ACYP2: variants seen among roughly 807,000 people sequenced by gnomAD.
The protein encoded by ACYP2 is acylphosphatase-2.
Under a neutral mutation model 11.2 loss-of-function variants are expected in ACYP2, and 12 were observed. The ratio of observed to expected loss-of-function variants is 1.08; its 90% CI spans 0.69 to 1.74. The LOEUF is 1.74. ACYP2 is among the 40% of genes most tolerant of loss of function. ACYP2 has a pLI of 0.00. For synonymous variants in ACYP2, 43 were observed against 32.2 expected, an observed-to-expected ratio of 1.33 and a Z score of -1.13; for missense variants, 134 against 101.9, an observed-to-expected ratio of 1.31 and a Z score of -1.35.
At chr2:54,273,350 CA>C (rs1359791381) in intron 6 of ACYP2, among the ~76,000 whole-genome samples, 1 of 152,104 alleles carries the variant, frequency 6.6e-6, no homozygotes, top group Admixed American at 6.6e-5. Context: ...TTTGTTATGC[CA>C]AAAAATTCCA....
chr2:54,067,178 TTCTGAAAGTTAAG>T (rs1676792938), intron 4 of ACYP2, among the ~76,000 whole-genome samples: 1 of 152,254 alleles, frequency 6.6e-6, no homozygotes, highest in African/African-American at 2.4e-5. Flanking sequence ...AAGGTTGAAT[TTCTGAAAGTTAAG>T]TCTAAGTAAA....
In ACYP2 at chr2:54,203,336, C is replaced by T. The variant is rs1684934502; in HGVS notation, c.404+64588C>T. On this transcript the variant is annotated intron_variant, in intron 6 of 6. Coordinates refer to ENST00000607452, the MANE Select transcript of ACYP2 (RefSeq NM_001320586.2). ...TCCTGCACCCTGCATACTTGTTGAA[C>T]CTGTTTACTACTTCTAACAGGTTTT... is the stretch of plus-strand genomic sequence containing the variant. Among the ~76,000 whole-genome samples, 3 of 152,094 alleles carry T rather than the reference C, an allele frequency of 2.0e-5. No homozygotes were observed. In the East Asian group the frequency reaches 5.8e-4, roughly 29 times the overall value.
In ACYP2 at chr2:54,255,435, C is replaced by T. The variant is rs749249129; in HGVS notation, c.405-49253C>T. On this transcript the variant is annotated intron_variant, in intron 6 of 6. Coordinates refer to ENST00000607452, the MANE Select transcript of ACYP2 (RefSeq NM_001320586.2). Reference sequence around the variant, plus strand: ...TATTGCGAATGATGTCATTCCTCTGCTCCAGGTAGTATTCATGAATCTGCC... The same window carrying T: ...TATTGCGAATGATGTCATTCCTCTGTTCCAGGTAGTATTCATGAATCTGCC... 6.2e-6 allele frequency: 10 copies of T among 1,614,016 alleles called. No individual in the cohort carries two copies. The East Asian group carries it at 1.3e-4, about 22-fold the overall frequency.
Position 54,179,198 on chromosome 2 carries a change from A to C in ACYP2, c.404+40450A>C, listed in dbSNP as rs901435965. 7.4e-4 allele frequency among the ~76,000 whole-genome samples: 101 copies of C among 136,816 alleles called. 1 individual carries two copies. Among genetic ancestry groups the C allele is most frequent in the South Asian group, 1.8e-3 (7 of 3,922 alleles). 89.8% of individuals were successfully genotyped at this position (136,816 alleles called of 152,430 possible). ...GTGCTTTCTAAATTTATCTCACTCA[A>C]CCACAATCAGTGCAGACCTGTGACC... is the stretch of plus-strand genomic sequence containing the variant. On this transcript the variant is annotated intron_variant, in intron 6 of 6. Coordinates refer to ENST00000607452, the MANE Select transcript of ACYP2 (RefSeq NM_001320586.2).
At chr2:54,115,562 G>C (rs1679702191) in intron 4 of ACYP2, 53 bp from the exon 1 acceptor site, 1 of 1,525,864 alleles carries the variant, frequency 6.6e-7, no homozygotes, top group Non-Finnish European at 8.8e-7. Context: ...GCGTGACCCC[G>C]GCGCGCTAGC....
chr2:54,070,031 G>A (rs918728570), intron 4 of ACYP2, among the ~76,000 whole-genome samples: 1 of 152,290 alleles, frequency 6.6e-6, no homozygotes, highest in East Asian at 1.9e-4. Flanking sequence ...AGCGCTTTGG[G>A]AGGCCAAGGT....
At chr2:54,125,221 A>T (rs11125521) in intron 4 of ACYP2, among the ~76,000 whole-genome samples, 26,796 of 152,052 alleles carry the variant, frequency 0.18, 2,446 homozygotes, top group Non-Finnish European at 0.19. Flanking sequence ...CTATAAAACA[A>T]CCAATTTGAC....
intron 2 of ACYP2, among the ~76,000 whole-genome samples, chr2:54,024,971 A>G (rs1674202355): frequency 6.6e-6 from 1 of 152,208 alleles, no homozygotes. Context: ...CAAATCAATA[A>G]TTCAACCCAT....
At chr2:54,189,396 A>G (rs1383340182) in intron 6 of ACYP2, among the ~76,000 whole-genome samples, 3 of 152,138 alleles carry the variant, frequency 2.0e-5, no homozygotes, top group African/African-American at 7.2e-5. Context: ...AAGATTTCAC[A>G]TAGTAAGTGA....
chr2:54,266,489 G>C (rs1267904666), intron 6 of ACYP2, among the ~76,000 whole-genome samples: 1 of 149,560 alleles, frequency 6.7e-6, no homozygotes, highest in Non-Finnish European at 1.5e-5. Flanking sequence ...TACTATCATT[G>C]GCCCTGTTCA....
At chr2:54,204,065 G>A (rs1684967553) in intron 6 of ACYP2, among the ~76,000 whole-genome samples, 1 of 152,118 alleles carries the variant, frequency 6.6e-6, no homozygotes, top group Non-Finnish European at 1.5e-5. Context: ...CACGATCTCG[G>A]CTCACTGCGA....
chr2:54,279,877 C>A (rs1156324059), intron 6 of ACYP2, among the ~76,000 whole-genome samples: 3 of 152,066 alleles, frequency 2.0e-5, no homozygotes, highest in African/African-American at 7.2e-5. Flanking sequence ...TCTTTGTATC[C>A]CAGATGCTTA....
intron 6 of ACYP2, chr2:54,267,233 A>C (rs865816): frequency 6.6e-7 from 1 of 1,520,988 alleles, no homozygotes; most frequent in Admixed American, 2.2e-5. Flanking sequence ...GGCACAAAGA[A>C]GCTCCCAATA....
intron 6 of ACYP2, among the ~76,000 whole-genome samples, chr2:54,276,351 C>G (rs1688569351): frequency 6.6e-6 from 1 of 152,046 alleles, no homozygotes; most frequent in Non-Finnish European, 1.5e-5. Flanking sequence ...GTTAAACATC[C>G]TACATACATT....
chr2:54,201,577 CTTCTTTTTCT>C (rs1558608246), intron 6 of ACYP2, among the ~76,000 whole-genome samples: 1 of 130,130 alleles, frequency 7.7e-6, no homozygotes, highest in Non-Finnish European at 1.7e-5. Flanking sequence ...TGATAGCCAG[CTTCTTTTTCT>C]TTCTTTCTCT....
chr2:54,135,510 C>A, intron 5 of ACYP2, 41 bp downstream of exon 2: 1 of 1,574,906 alleles, frequency 6.3e-7, no homozygotes, highest in Non-Finnish European at 8.7e-7. Context: ...ATTTTTTTTC[C>A]ACTGTTATTC....
chr2:54,214,641 A>G (rs1209255235), intron 6 of ACYP2, among the ~76,000 whole-genome samples: 1 of 152,202 alleles, frequency 6.6e-6, no homozygotes, highest in East Asian at 1.9e-4. Flanking sequence ...TGGTTACTGT[A>G]GCCTTGTAGT....
intron 6 of ACYP2, among the ~76,000 whole-genome samples, chr2:54,179,103 A>G (rs1683595903): frequency 1.3e-5 from 2 of 152,128 alleles, no homozygotes; most frequent in Non-Finnish European, 2.9e-5. Flanking sequence ...TCTAGGGTCT[A>G]TTTAATAAGC....
At chr2:54,159,714 T>A (rs1682620601) in intron 6 of ACYP2, among the ~76,000 whole-genome samples, 1 of 152,080 alleles carries the variant, frequency 6.6e-6, no homozygotes. Flanking sequence ...AGTTTGGGAA[T>A]GAAGCTCTGG....
Sources: allele counts gnomAD v4.1 joint callset (sites outside exome capture counted in the v4.1 genomes callset), GRCh38; gene constraint gnomAD v4.1.1; transcripts MANE v1.5; gene names NCBI Gene and HGNC (gene_info 2026-07-23, HGNC 2026-07-21).